The following NXPE2 variants were observed in gnomAD, a reference collection of about 807,000 sequenced individuals.
The protein encoded by NXPE2 is NXPE family member 2.
In NXPE2, 34 loss-of-function variants were observed where a neutral mutation model predicts 34.4. That is an observed-to-expected ratio of 0.99 (90% CI 0.75 to 1.31). The LOEUF (loss-of-function observed/expected upper bound fraction) is 1.31. NXPE2 is among the 40% of genes most tolerant of loss of function. NXPE2 has a pLI of 0.00. For synonymous variants in NXPE2, 235 were observed against 231.3 expected (o/e 1.02, Z -0.15); for missense variants, 649 against 672.5 (o/e 0.97, Z 0.39).
At chr11:114,791,831 C>T in the NXPE2 span, among the ~76,000 whole-genome samples, 812 of 152,100 alleles carry the variant, frequency 5.3e-3, 26 homozygotes, top group South Asian at 8.7e-3. Context: ...CCGAGGCGGG[C>T]GGATCACGAG....
chr11:114,711,137 T>C (rs928844243), downstream of NXPE2, among the ~76,000 whole-genome samples: 2 of 152,148 alleles, frequency 1.3e-5, no homozygotes, highest in Non-Finnish European at 2.9e-5. Flanking sequence ...GTTAATACCA[T>C]ATGCAACTAG....
the NXPE2 span, among the ~76,000 whole-genome samples, chr11:114,632,780 T>C: frequency 2.4e-5 from 1 of 42,162 alleles, no homozygotes; most frequent in African/African-American, 9.2e-5. Flanking sequence ...AATTATATAT[T>C]ATATATTATA....
At chr11:114,806,998 A>G in the NXPE2 span, among the ~76,000 whole-genome samples, 1 of 152,176 alleles carries the variant, frequency 6.6e-6, no homozygotes, top group African/African-American at 2.4e-5. Context: ...ATCTCTCGCC[A>G]GAAACTCTAC....
chr11:114,805,232 C>A, the NXPE2 span, among the ~76,000 whole-genome samples: 3 of 149,460 alleles, frequency 2.0e-5, no homozygotes, highest in African/African-American at 7.4e-5. Context: ...GAGATAGGAA[C>A]AGCTCTGGTC....
the NXPE2 span, among the ~76,000 whole-genome samples, chr11:114,786,487 T>A: frequency 1.3e-5 from 2 of 151,984 alleles, no homozygotes; most frequent in Non-Finnish European, 2.9e-5. Context: ...CTGACATTTG[T>A]TCAATTAATA....
At chr11:114,698,809 A>G (rs764808521) in intron 3 of NXPE2, 31 bp downstream of exon 3, 1,306 of 1,454,396 alleles carry the variant, frequency 9.0e-4, no homozygotes, top group Non-Finnish European at 1.1e-3. Flanking sequence ...AATAGCAGAT[A>G]AAAAGAGGTA....
the NXPE2 span, among the ~76,000 whole-genome samples, chr11:114,558,652 ATCC>A: frequency 6.6e-6 from 1 of 152,200 alleles, no homozygotes; most frequent in African/African-American, 2.4e-5. Context: ...AAGCTAAACA[ATCC>A]TCCTGTTATG....
At chr11:114,657,911 T>C in the NXPE2 span, among the ~76,000 whole-genome samples, 1 of 152,208 alleles carries the variant, frequency 6.6e-6, no homozygotes. Context: ...CAAAGACGAA[T>C]AGAATACAGT....
At chr11:114,564,238 C>T in the NXPE2 span, among the ~76,000 whole-genome samples, 2 of 152,100 alleles carry the variant, frequency 1.3e-5, no homozygotes, top group African/African-American at 2.4e-5. Flanking sequence ...TGTTCTCACT[C>T]ATAAGTGGGA....
At chr11:114,541,366 A>G in the NXPE2 span, among the ~76,000 whole-genome samples, 3 of 152,216 alleles carry the variant, frequency 2.0e-5, no homozygotes, top group African/African-American at 4.8e-5. Context: ...ACTATGCTCA[A>G]TGAGGTAAAA....
the NXPE2 span, among the ~76,000 whole-genome samples, chr11:114,721,393 G>C: frequency 6.6e-6 from 1 of 152,068 alleles, no homozygotes; most frequent in Non-Finnish European, 1.5e-5. Context: ...GTCTCTGCCT[G>C]ATCATCCGTG....
chr11:114,546,504 G>A, the NXPE2 span, among the ~76,000 whole-genome samples: 2 of 141,654 alleles, frequency 1.4e-5, no homozygotes, highest in Admixed American at 1.4e-4. Flanking sequence ...GTTTTGCTAT[G>A]TTGACCAGAC....
chr11:114,576,889 CAT>C, the NXPE2 span, among the ~76,000 whole-genome samples: 10 of 150,702 alleles, frequency 6.6e-5, no homozygotes, highest in Non-Finnish European at 8.9e-5. Flanking sequence ...CTTGTACACA[CAT>C]GTTTCTAGCA....
At chr11:114,631,457 G>A in the NXPE2 span, among the ~76,000 whole-genome samples, 1 of 147,182 alleles carries the variant, frequency 6.8e-6, no homozygotes, top group African/African-American at 2.5e-5. Flanking sequence ...CTCACTCATA[G>A]GTGGGAACTG....
chr11:114,784,671 A>AG, the NXPE2 span, among the ~76,000 whole-genome samples: 99 of 152,254 alleles, frequency 6.5e-4, no homozygotes, highest in African/African-American at 2.2e-3. Context: ...ATTTTTGCTA[A>AG]GGGGGGAAAA....
the NXPE2 span, chr11:114,580,163 C>A: frequency 1.2e-6 from 2 of 1,614,094 alleles, no homozygotes; most frequent in South Asian, 2.2e-5. Context: ...ATTCCATCCA[C>A]TGGCGGATCG....
At chr11:114,475,348 A>C in the NXPE2 span, among the ~76,000 whole-genome samples, 2 of 144,908 alleles carry the variant, frequency 1.4e-5, no homozygotes, top group African/African-American at 5.1e-5. Flanking sequence ...GGTTCAAGTG[A>C]TTCTCCTGCC....
At chr11:114,501,589 C>A in the NXPE2 span, among the ~76,000 whole-genome samples, 1 of 152,094 alleles carries the variant, frequency 6.6e-6, no homozygotes, top group Non-Finnish European at 1.5e-5. Context: ...TTCTGCTGTT[C>A]AAATATAGTG....
the NXPE2 span, among the ~76,000 whole-genome samples, chr11:114,764,682 C>G: frequency 2.0e-5 from 3 of 152,128 alleles, no homozygotes; most frequent in African/African-American, 7.2e-5. Flanking sequence ...CCTTAAAACC[C>G]CAATCCCTCC....
Sources: gnomAD v4.1 joint callset for allele counts (sites outside exome capture counted in the v4.1 genomes callset) on GRCh38, gnomAD v4.1.1 for gene constraint, MANE v1.5 for transcripts, NCBI Gene and HGNC (gene_info 2026-07-23, HGNC 2026-07-21) for gene names.